Variants in CELF5 observed in about 807,000 individuals in gnomAD.
CELF5 encodes the protein CUGBP Elav-like family member 5.
CELF5 carries 6 observed loss-of-function variants against 54.9 expected under a neutral mutation model. That is an observed-to-expected ratio of 0.11 (90% CI 0.06 to 0.22). CELF5 has a LOEUF of 0.22. CELF5 is among the 10% of genes least tolerant of loss of function. The pLI, the probability that CELF5 is intolerant of heterozygous loss-of-function variation, is 1.00. For missense variants in CELF5, 401 were observed against 678.6 expected (o/e 0.59, Z 4.54); for synonymous variants, 271 against 290.9 (o/e 0.93, Z 0.70).
At chr19:3,279,771 C>T (rs532162183) in intron 5 of CELF5, among the ~76,000 whole-genome samples, 4 of 152,266 alleles carry the variant, frequency 2.6e-5, no homozygotes, top group African/African-American at 4.8e-5. Context: ...GGGGCAATCT[C>T]AGCTCACTGC....
At chr19:3,245,077 C>CTG (rs1314318351) in intron 1 of CELF5, among the ~76,000 whole-genome samples, 1 of 130,230 alleles carries the variant, frequency 7.7e-6, no homozygotes, top group Non-Finnish European at 1.6e-5. Flanking sequence ...GTGTATGCAT[C>CTG]TGTGTGTGTG....
In CELF5 at chr19:3,256,873, A is replaced by G. The variant is rs956307232; in HGVS notation, c.342+5806A>G. On this transcript the variant is annotated intron_variant, in intron 2 of 12. Coordinates refer to ENST00000292672, the MANE Select transcript of CELF5 (RefSeq NM_021938.4). ...GTCAGCCACTGCACCTGGCCTTATT[A>G]TTTTTTTTCTGAGACAAAGTTTTGC... Among the ~76,000 whole-genome samples, 7 of 150,106 alleles carry G rather than the reference A, an allele frequency of 4.7e-5. No individual in the cohort carries two copies. The East Asian group carries it at 1.4e-3, about 29-fold the overall frequency.
At position 3,258,857 on chromosome 19, in the gene CELF5, C is replaced by T. The variant is rs541435400; in HGVS notation, c.342+7790C>T. 1.1e-3 allele frequency among the ~76,000 whole-genome samples: 164 copies of T among 152,200 alleles called. 1 individual carries two copies. The highest frequency in any genetic ancestry group is 2.0e-3 in the Admixed American group (31 of 15,260). On this transcript the variant is annotated intron_variant, in intron 2 of 12. Transcript: ENST00000292672. The stretch of plus-strand genomic sequence containing the variant: ...AACTCCTGGGCTCAAGCGATCCTCC[C>T]GCCTCGGCCTCCCAAAGCGCTGAGA...
intron 1 of CELF5, among the ~76,000 whole-genome samples, chr19:3,235,681 T>TGGATGG (rs1917543677): frequency 1.9e-3 from 46 of 24,028 alleles, no homozygotes; most frequent in Middle Eastern, 0.062. Flanking sequence ...TGGATGGATG[T>TGGATGG]GTGGATGGGT....
At position 3,285,928 on chromosome 19, in the gene CELF5, T is replaced by A; in HGVS notation, c.1103-14T>A. 6.4e-7 allele frequency: 1 copy of A among 1,551,192 alleles called. No individual in the cohort carries two copies. Among genetic ancestry groups the A allele is most frequent in the Non-Finnish European group, 8.6e-7 (1 of 1,156,706 alleles). On this transcript the variant is annotated splice_polypyrimidine_tract_variant and intron_variant, in intron 9 of 12. Coordinates refer to ENST00000292672, the MANE Select transcript of CELF5 (RefSeq NM_021938.4). ...CGCCCCTCCTCGCCCTGTGTCTCGC[T>A]CCGGTCTCCGCAGCCATGTACCCCA...
intron 1 of CELF5, among the ~76,000 whole-genome samples, chr19:3,235,030 C>T (rs560477777): frequency 1.3e-5 from 2 of 152,088 alleles, no homozygotes; most frequent in African/African-American, 2.4e-5. Context: ...CTCCCGTGAC[C>T]TGCCTCATCC....
intron 10 of CELF5, among the ~76,000 whole-genome samples, chr19:3,288,797 A>G (rs2080294970): frequency 1.3e-5 from 2 of 152,120 alleles, no homozygotes; most frequent in African/African-American, 2.4e-5. Context: ...GCAGTGAGCT[A>G]TGATTGTGCC....
intron 1 of CELF5, chr19:3,225,706 C>G (rs917781665): frequency 2.1e-6 from 1 of 473,634 alleles, no homozygotes; most frequent in Non-Finnish European, 2.8e-6. Flanking sequence ...AGGCTCCCGT[C>G]GCTGCCCACC....
chr19:3,225,005 G>A lies in CELF5; in HGVS notation c.259+7G>A. ...TACACGGGGATGCACAAAGGTGGGC[G>A]CCCGGCCCCCTCCCCCCTCTCCCCC... On this transcript the variant is annotated splice_region_variant and intron_variant, in intron 1 of 12. Coordinates refer to ENST00000292672, the MANE Select transcript of CELF5 (RefSeq NM_021938.4). 3 of 1,526,790 alleles carry A rather than the reference G, an allele frequency of 2.0e-6. No homozygotes were observed. The highest frequency in any genetic ancestry group is 1.8e-6 in the Non-Finnish European group (2 of 1,133,674). 94.6% of individuals were successfully genotyped at this position (1,526,790 alleles called of 1,614,324 possible).
chr19:3,285,861 C>T (rs2080237850), intron 9 of CELF5, 81 bp from the exon 10 acceptor site: 2 of 945,282 alleles, frequency 2.1e-6, no homozygotes, highest in South Asian at 1.9e-5. Context: ...TATGGCCCCG[C>T]CCCCTCCCCG....
chr19:3,287,424 G>GAAA, intron 10 of CELF5, among the ~76,000 whole-genome samples: 1 of 150,622 alleles, frequency 6.6e-6, no homozygotes, highest in Non-Finnish European at 1.5e-5. Flanking sequence ...GCCGAGCGTG[G>GAAA]TGGCGTGTGT....
At chr19:3,244,635 G>A (rs1209422401) in intron 1 of CELF5, among the ~76,000 whole-genome samples, 1 of 150,044 alleles carries the variant, frequency 6.7e-6, no homozygotes. Flanking sequence ...TGCGTGTGTG[G>A]TGTGTGTATG....
At chr19:3,276,718 G>A (rs1373437324) in intron 4 of CELF5, among the ~76,000 whole-genome samples, 1 of 151,848 alleles carries the variant, frequency 6.6e-6, no homozygotes, top group Non-Finnish European at 1.5e-5. Flanking sequence ...GCAGAGGCGT[G>A]GCCTTGGGGA....
chr19:3,254,975 T>A (rs1375765953), intron 2 of CELF5, among the ~76,000 whole-genome samples: 2 of 151,302 alleles, frequency 1.3e-5, no homozygotes, highest in Non-Finnish European at 3.0e-5. Context: ...CATCCACCTA[T>A]CTATCCTCCC....
At chr19:3,269,680 T>C (rs1481909037) in intron 2 of CELF5, among the ~76,000 whole-genome samples, 1 of 152,052 alleles carries the variant, frequency 6.6e-6, no homozygotes, top group East Asian at 1.9e-4. Context: ...AGCCCACCCA[T>C]GCCCACAGTG....
chr19:3,275,822 G>A lies in CELF5; in HGVS notation c.395-34G>A, dbSNP rs533006398. 6.3e-6 allele frequency: 10 copies of A among 1,585,852 alleles called. No individual in the cohort carries two copies. Among genetic ancestry groups the A allele is most frequent in the African/African-American group, 4.0e-5 (3 of 74,544 alleles). On this transcript the variant is annotated intron_variant, in intron 3 of 12. Coordinates refer to ENST00000292672, the MANE Select transcript of CELF5 (RefSeq NM_021938.4). The surrounding 1 kb of genome is among the most constrained non-coding windows in gnomAD (Gnocchi z 6.7). ...ATCCCGGAGGCCCTCCCGGAGGCCGGGGACTCGGCTGAGGTGGGTGTCGCC... is the reference window on the plus strand; with the variant it reads ...ATCCCGGAGGCCCTCCCGGAGGCCGAGGACTCGGCTGAGGTGGGTGTCGCC...
chr19:3,260,231 C>G (rs963374344), intron 2 of CELF5, among the ~76,000 whole-genome samples: 3 of 151,972 alleles, frequency 2.0e-5, no homozygotes, highest in Non-Finnish European at 4.4e-5. Context: ...ATTCTCTTGC[C>G]TCAGCCTCCC....
At position 3,273,611 on chromosome 19, in the gene CELF5, C is replaced by T. The variant is rs561996256; in HGVS notation, c.343-261C>T. Among the ~76,000 whole-genome samples, 27 of 152,258 alleles carry T rather than the reference C, an allele frequency of 1.8e-4. No homozygotes were observed. The East Asian group carries it at 4.8e-3, about 27-fold the overall frequency. On this transcript the variant is annotated intron_variant, in intron 2 of 12. Coordinates refer to ENST00000292672, the MANE Select transcript of CELF5 (RefSeq NM_021938.4). ...GCATAAAGGGACTGGAGGAATTGGGCCTATCACATTTGGGGAAGCAAGGAG... is the reference window on the plus strand; with the variant it reads ...GCATAAAGGGACTGGAGGAATTGGGTCTATCACATTTGGGGAAGCAAGGAG...
intron 2 of CELF5, among the ~76,000 whole-genome samples, chr19:3,252,010 A>AGAG (rs1447176648): frequency 1.3e-5 from 2 of 151,394 alleles, no homozygotes; most frequent in Non-Finnish European, 2.9e-5. Context: ...TTCTGTCTGC[A>AGAG]GAGGAGGCTG....
Sources: allele counts gnomAD v4.1 joint callset (sites outside exome capture counted in the v4.1 genomes callset), GRCh38; gene constraint gnomAD v4.1.1; non-coding constraint Gnocchi (gnomAD v3.1); transcripts MANE v1.5; gene names NCBI Gene and HGNC (gene_info 2026-07-23, HGNC 2026-07-21).